ZNF493: variants seen among roughly 807,000 people sequenced by gnomAD.
ZNF493 encodes the protein zinc finger protein 493.
In ZNF493, 11 loss-of-function variants were observed where a neutral mutation model predicts 12.2. The ratio of observed to expected loss-of-function variants is 0.90; its 90% CI spans 0.57 to 1.50. The LOEUF is 1.50. Among genes scored for constraint, ZNF493 ranks in the 40% most tolerant of loss-of-function variants. The pLI, the probability that ZNF493 is intolerant of heterozygous loss-of-function variation, is 0.00. For missense variants in ZNF493, 950 were observed against 906.6 expected, an observed-to-expected ratio of 1.05 and a Z score of -0.61; for synonymous variants, 286 against 302.6, an observed-to-expected ratio of 0.95 and a Z score of 0.57.
intron 3 of ZNF493, among the ~76,000 whole-genome samples, 199 bp from the exon 4 acceptor site, chr19:21,422,713 CA>C (rs2030717092): frequency 6.6e-6 from 1 of 152,024 alleles, no homozygotes; most frequent in African/African-American, 2.4e-5. Context: ...TGGGGTACTT[CA>C]AACACTTAAC....
intron 3 of ZNF493, chr19:21,413,460 C>A: frequency 2.5e-6 from 1 of 404,606 alleles, no homozygotes; most frequent in Non-Finnish European, 4.3e-6. Context: ...GTCCCACTTT[C>A]TTCAGGTTTT....
chr19:21,411,350 T>G (rs1599372911), intron 3 of ZNF493, among the ~76,000 whole-genome samples: 1 of 152,178 alleles, frequency 6.6e-6, no homozygotes, highest in Non-Finnish European at 1.5e-5. Context: ...TAATGTGTTT[T>G]GAAATCAGAA....
intron 3 of ZNF493, among the ~76,000 whole-genome samples, chr19:21,419,437 C>A (rs185042585): frequency 6.6e-6 from 1 of 152,172 alleles, no homozygotes. Flanking sequence ...CACAACAGGC[C>A]GTCTGCAAGC....
In ZNF493 at chr19:21,397,180, T is replaced by G. The variant is rs968267376; in HGVS notation, c.-58T>G. Reference sequence around the variant, plus strand: ...GCTCCAGGTCTACCCTTCACTGCTCTGTGTCCTCAGCGTGTGTGGCTTCGT... The same window carrying G: ...GCTCCAGGTCTACCCTTCACTGCTCGGTGTCCTCAGCGTGTGTGGCTTCGT... On this transcript the variant is annotated 5_prime_UTR_variant, in exon 1 of 4. Transcript: ENST00000392288. 7 of 1,606,224 alleles carry G rather than the reference T, an allele frequency of 4.4e-6. No individual in the cohort carries two copies. The highest frequency in any genetic ancestry group is 5.1e-6 in the Non-Finnish European group (6 of 1,172,704).
chr19:21,417,753 T>C (rs1188238741), intron 3 of ZNF493, among the ~76,000 whole-genome samples: 2 of 152,146 alleles, frequency 1.3e-5, no homozygotes, highest in African/African-American at 4.8e-5. Context: ...GGCCTGGGTA[T>C]TGCGAGCAGC....
At chr19:21,403,751 C>T (rs187460188) in intron 1 of ZNF493, among the ~76,000 whole-genome samples, 1,096 of 98,602 alleles carry the variant, frequency 0.011, 10 homozygotes, top group African/African-American at 0.03. Flanking sequence ...CCTTTACTTC[C>T]CTACTTGTGT....
At chr19:21,400,085 A>C (rs2029889195) in intron 1 of ZNF493, among the ~76,000 whole-genome samples, 1 of 152,186 alleles carries the variant, frequency 6.6e-6, no homozygotes, top group South Asian at 2.1e-4. Context: ...TAAAAGAAAT[A>C]GATACTTTTG....
rs2030785003 is a variant in ZNF493, at chr19:21,424,305, A to G, written c.1646A>G (p.Glu549Gly). Residue 549 changes from glutamate to glycine, a missense_variant, in exon 4 of 4, where the codon GAA becomes GGA. By Grantham distance (98) the Glu-to-Gly change is moderately conservative. Transcript: ENST00000392288. ...HTGEKPYKCEECGKAFNRSSH... is the reference protein window; with the variant it reads ...HTGEKPYKCEGCGKAFNRSSH... Reference sequence around the variant, plus strand: ...GGAGAAAAACCCTACAAATGTGAAGAATGTGGCAAAGCTTTTAATCGGTCC... The same window carrying G: ...GGAGAAAAACCCTACAAATGTGAAGGATGTGGCAAAGCTTTTAATCGGTCC... 5 of 1,613,630 alleles carry G rather than the reference A, an allele frequency of 3.1e-6. No homozygotes were observed. The highest frequency in any genetic ancestry group is 1.7e-5 in the Admixed American group (1 of 59,944).
In ZNF493 at chr19:21,426,427, T is replaced by A. The variant is rs1299500112; in HGVS notation, c.*1443T>A. The A allele has an allele frequency of 5.9e-6, 1 of 168,102 alleles. No individual in the cohort carries two copies. The highest frequency in any genetic ancestry group is 1.9e-4 in the East Asian group (1 of 5,222). 10.4% of individuals were successfully genotyped at this position (168,102 alleles called of 1,614,324 possible). ...AGAGAGTTCATGCTTAATAAAAGCATGATAAGTGCAATTACTGCCAAAAGA... is the reference window on the plus strand; with the variant it reads ...AGAGAGTTCATGCTTAATAAAAGCAAGATAAGTGCAATTACTGCCAAAAGA... On this transcript the variant is annotated 3_prime_UTR_variant, in exon 4 of 4. Transcript: ENST00000392288.
rs1322927392 is a variant in ZNF493, at chr19:21,423,048, A to G, written c.389A>G (p.Asn130Ser). 2.5e-6 allele frequency: 4 copies of G among 1,613,518 alleles called. No homozygotes were observed. Among genetic ancestry groups the G allele is most frequent in the Non-Finnish European group, 3.4e-6 (4 of 1,179,802 alleles). The change falls in exon 4 of 4, where the codon AAT (asparagine) becomes AGT (serine). Residue 130 changes from asparagine (N) to serine (S), a missense_variant. By Grantham distance (46) the Asn-to-Ser change is conservative. Transcript: ENST00000392288. The stretch of plus-strand genomic sequence containing the variant: ...TTAAGAAAAGGATGTAAAAGTATGA[A>G]TGAGTGTAATGTGCACAAAGAAGGT... The part of the protein sequence containing the change: ...LQLRKGCKSM[N>S]ECNVHKEGYN...
Position 21,424,223 on chromosome 19 carries a change from T to C in ZNF493, c.1564T>C (p.Cys522Arg), listed in dbSNP as rs770083191. 1 of 1,612,632 alleles carries C rather than the reference T, an allele frequency of 6.2e-7. No homozygotes were observed. Among genetic ancestry groups the C allele is most frequent in the Admixed American group, 1.7e-5 (1 of 59,922 alleles). ...TGEKPYKCEE[C>R]GKAFKRSSTL... ...AGAAAAACCCTACAAATGTGAAGAA[T>C]GTGGCAAAGCTTTTAAACGATCTTC... The change falls in exon 4 of 4, where the codon TGT becomes CGT. Residue 522 changes from cysteine (C) to arginine (R), a missense_variant. Physicochemically the swap from Cys to Arg is radical, Grantham distance 180. Coordinates refer to ENST00000392288, the MANE Select transcript of ZNF493 (RefSeq NM_001076678.3).
chr19:21,405,467 T>G (rs2030091602), intron 2 of ZNF493: 1 of 1,391,348 alleles, frequency 7.2e-7, no homozygotes, highest in Non-Finnish European at 9.3e-7. Flanking sequence ...CCGGTCTGTA[T>G]CCTTCACTCT....
At chr19:21,418,411 C>A (rs1228810417) in intron 3 of ZNF493, among the ~76,000 whole-genome samples, 1 of 152,228 alleles carries the variant, frequency 6.6e-6, no homozygotes, top group Non-Finnish European at 1.5e-5. Context: ...AGCTCCCCTT[C>A]TTACTCATCA....
chr19:21,423,969 A>G lies in ZNF493; in HGVS notation c.1310A>G (p.Glu437Gly), dbSNP rs1308666001. 1 of 1,613,636 alleles carries G rather than the reference A, an allele frequency of 6.2e-7. No homozygotes were observed. Among genetic ancestry groups the G allele is most frequent in the Non-Finnish European group, 8.5e-7 (1 of 1,179,848 alleles). Reference protein sequence around the residue: ...HTGEKPYKCEECGKTFSVFSI... With the variant: ...HTGEKPYKCEGCGKTFSVFSI... ...GGAGAGAAACCCTACAAATGTGAAG[A>G]ATGTGGCAAAACCTTTAGTGTATTC... Residue 437 changes from glutamate (E) to glycine (G), a missense_variant, in exon 4 of 4, where the codon GAA becomes GGA. Glu to Gly is a moderately conservative substitution (Grantham distance 98). Transcript: ENST00000392288.
chr19:21,408,542 T>C, intron 3 of ZNF493: 5 of 984,574 alleles, frequency 5.1e-6, no homozygotes, highest in Non-Finnish European at 2.4e-6. Context: ...CTGCTTTTGA[T>C]GAGTACAGTT....
intron 3 of ZNF493, among the ~76,000 whole-genome samples, chr19:21,419,808 C>A (rs1185145543): frequency 6.6e-6 from 1 of 152,162 alleles, no homozygotes; most frequent in African/African-American, 2.4e-5. Context: ...AGGGTTTATT[C>A]TGCACACAGG....
intron 3 of ZNF493, chr19:21,412,309 C>G (rs2145286840): frequency 6.6e-6 from 1 of 152,396 alleles, no homozygotes; most frequent in East Asian, 1.9e-4. Context: ...CCTTAAGGCA[C>G]AGATGGCTCC....
At chr19:21,420,875 C>G (rs2030655987) in intron 3 of ZNF493, among the ~76,000 whole-genome samples, 1 of 151,194 alleles carries the variant, frequency 6.6e-6, no homozygotes. Flanking sequence ...CCTCAGCCCC[C>G]CGAGTGGCTG....
intron 3 of ZNF493, chr19:21,412,063 T>G (rs2030343733): frequency 6.6e-6 from 1 of 151,904 alleles, no homozygotes; most frequent in Non-Finnish European, 1.5e-5. Context: ...AACCCAACGG[T>G]GCTAGAGGAA....
Sources: gnomAD v4.1 joint callset for allele counts (sites outside exome capture counted in the v4.1 genomes callset) on GRCh38, gnomAD v4.1.1 for gene constraint, MANE v1.5 for transcripts, NCBI Gene and HGNC (gene_info 2026-07-23, HGNC 2026-07-21) for gene names.